The following CEMIP variants were observed in gnomAD, a reference collection of about 807,000 sequenced individuals.
CEMIP encodes cell migration-inducing and hyaluronan-binding protein.
A neutral mutation model predicts 156.9 loss-of-function variants in CEMIP; 105 were observed. The observed-to-expected ratio is 0.67, with a 90% CI of 0.57 to 0.79. The LOEUF (loss-of-function observed/expected upper bound fraction) is 0.79. CEMIP is among the 30% of genes least tolerant of loss of function. The pLI is 0.00. For synonymous variants in CEMIP, 676 were observed against 668.4 expected (o/e 1.01, Z -0.17); for missense variants, 1,457 against 1,769.4 (o/e 0.82, Z 3.17).
At chr15:80,807,904 A>G (rs1322222873) in intron 1 of CEMIP, among the ~76,000 whole-genome samples, 3 of 152,118 alleles carry the variant, frequency 2.0e-5, no homozygotes, top group Admixed American at 1.3e-4. Flanking sequence ...AGCATGTGTC[A>G]GGGAGCACCT....
At chr15:80,785,765 C>T (rs1895919920) in intron 1 of CEMIP, among the ~76,000 whole-genome samples, 1 of 152,186 alleles carries the variant, frequency 6.6e-6, no homozygotes, top group Non-Finnish European at 1.5e-5. Context: ...AAACCCCTTA[C>T]TTCCTGCAAC....
In CEMIP at chr15:80,936,819, G is replaced by T. The variant is rs756172997; in HGVS notation, c.3155G>T (p.Gly1052Val). Residue 1052 changes from glycine (G) to valine (V), a missense_variant, in exon 24 of 30, where the codon GGC (glycine) becomes GTC (valine). Physicochemically the swap from Gly to Val is moderately radical, Grantham distance 109. Coordinates refer to ENST00000394685, the MANE Select transcript of CEMIP (RefSeq NM_001293298.2). ...QYQPVVTLQK[G>V]YTIHWDQTAP... ...CAACCGGTTGTCACCCTGCAGAAGG[G>T]CTACACCATCCACTGGGACCAGACG... is the stretch of plus-strand genomic sequence containing the variant. The T allele has an allele frequency of 6.2e-7, 1 of 1,614,094 alleles. No individual in the cohort carries two copies. Among genetic ancestry groups the T allele is most frequent in the Non-Finnish European group, 8.5e-7 (1 of 1,180,048 alleles).
At chr15:80,938,743 A>G (rs1442658553) in intron 25 of CEMIP, among the ~76,000 whole-genome samples, 1 of 152,216 alleles carries the variant, frequency 6.6e-6, no homozygotes, top group Non-Finnish European at 1.5e-5. Flanking sequence ...TATTCAATAG[A>G]GATATAATGA....
At chr15:80,858,311 G>A (rs1054901918) in intron 1 of CEMIP, among the ~76,000 whole-genome samples, 1 of 152,166 alleles carries the variant, frequency 6.6e-6, no homozygotes, top group Non-Finnish European at 1.5e-5. Context: ...GAAACTGCAT[G>A]TTTTGGGGAC....
rs1449821320 is a variant in CEMIP at position 80,933,180 on chromosome 15, C to T, written c.2794-65C>T. ...GTGGAAATCGGAAACCTCGCCCTGG[C>T]CTGATGACGGCTGCAGTTTCCCTTC... is the stretch of plus-strand genomic sequence containing the variant. On this transcript the variant is annotated intron_variant, in intron 22 of 29. Transcript: ENST00000394685. The T allele has an allele frequency of 5.0e-6, 7 of 1,399,624 alleles. No individual in the cohort carries two copies. The Admixed American group carries it at 1.2e-4, about 24-fold the overall frequency. The allele number at this position is 1,399,624 out of a possible 1,614,324, so 86.7% of individuals were successfully genotyped here.
chr15:80,895,651 TC>T (rs1899193521), intron 11 of CEMIP, among the ~76,000 whole-genome samples: 1 of 152,078 alleles, frequency 6.6e-6, no homozygotes, highest in Admixed American at 6.5e-5. Context: ...AGTGGAAAAT[TC>T]CCCCGCCCAG....
In CEMIP at chr15:80,906,985, C is replaced by G; in HGVS notation, c.1587+147C>G. 1 of 813,520 alleles carries G rather than the reference C, an allele frequency of 1.2e-6. No individual in the cohort carries two copies. The highest frequency in any genetic ancestry group is 2.1e-5 in the Admixed American group (1 of 47,734). The allele number at this position is 813,520 out of a possible 1,614,324, so 50.4% of individuals were successfully genotyped here. ...GGCGCCTTCTGGAAGTTTGAGAAGT[C>G]TTATGTATTATCCATTAGTGTGCAG... On this transcript the variant is annotated intron_variant, in intron 13 of 29. Transcript: ENST00000394685. The surrounding 1 kb of genome is among the most constrained non-coding windows in gnomAD (Gnocchi z 4.3).
intron 23 of CEMIP, among the ~76,000 whole-genome samples, 170 bp downstream of exon 23, chr15:80,933,630 T>C (rs1448295651): frequency 6.6e-6 from 1 of 152,232 alleles, no homozygotes; most frequent in African/African-American, 2.4e-5. Context: ...GTAGGATTTT[T>C]ACAAAGTTAA....
chr15:80,891,107 G>A (rs1899019664), intron 10 of CEMIP, among the ~76,000 whole-genome samples: 1 of 152,186 alleles, frequency 6.6e-6, no homozygotes, highest in Non-Finnish European at 1.5e-5. Context: ...CTTGACCACA[G>A]GAAGTCTAGC....
In CEMIP at chr15:80,845,105, G is replaced by C. The variant is rs899369858; in HGVS notation, c.-175-28433G>C. 3.2e-4 allele frequency among the ~76,000 whole-genome samples: 49 copies of C among 152,080 alleles called. 1 individual carries two copies. The highest frequency in any genetic ancestry group is 2.0e-4 in the Admixed American group (3 of 15,282). ...AATTGTTCTGCATAACCAGTAATTT[G>C]ACAATTATTTATTGGGGGATGAATC... On this transcript the variant is annotated intron_variant, in intron 1 of 29. Transcript: ENST00000394685.
intron 14 of CEMIP, among the ~76,000 whole-genome samples, chr15:80,916,401 G>A (rs921124488): frequency 2.6e-5 from 4 of 152,188 alleles, no homozygotes; most frequent in Non-Finnish European, 5.9e-5. Context: ...TTGCTTTCAC[G>A]ACTGCCGACC....
At chr15:80,888,154 G>A (rs1030775424) in intron 8 of CEMIP, among the ~76,000 whole-genome samples, 1 of 152,040 alleles carries the variant, frequency 6.6e-6, no homozygotes, top group African/African-American at 2.4e-5. Context: ...CTTGAGGTCA[G>A]GAGTTCGAAA....
intron 1 of CEMIP, among the ~76,000 whole-genome samples, chr15:80,803,616 C>T: frequency 6.6e-6 from 1 of 152,140 alleles, no homozygotes; most frequent in East Asian, 1.9e-4. Context: ...CTTTAGACTT[C>T]CCAACAGCTC....
In CEMIP at chr15:80,932,077, G is replaced by T; in HGVS notation, c.2793+38G>T. 1.9e-6 allele frequency: 3 copies of T among 1,606,098 alleles called. No individual in the cohort carries two copies. Among genetic ancestry groups the T allele is most frequent in the South Asian group, 1.1e-5 (1 of 91,000 alleles). ...CCAGGGCAGACTCCCGGCAAACCCA[G>T]ACTTTGGATGGTGATTCACAAGTCC... On this transcript the variant is annotated intron_variant, in intron 22 of 29. Coordinates refer to ENST00000394685, the MANE Select transcript of CEMIP (RefSeq NM_001293298.2). This position sits in a 1 kb window ranked among gnomAD's most constrained non-coding sequence, Gnocchi z 4.5.
chr15:80,865,317 G>A (rs1898095672), intron 1 of CEMIP, among the ~76,000 whole-genome samples: 1 of 152,100 alleles, frequency 6.6e-6, no homozygotes. Flanking sequence ...GGGTAGCTGG[G>A]TCTACGGGCT....
chr15:80,797,905 C>G (rs1449946818), intron 1 of CEMIP, among the ~76,000 whole-genome samples: 4 of 152,174 alleles, frequency 2.6e-5, no homozygotes, highest in Admixed American at 2.6e-4. Flanking sequence ...GGAAATGCTC[C>G]TTCATTAATT....
chr15:80,938,197 T>A (rs914311911), intron 25 of CEMIP: 1 of 539,124 alleles, frequency 1.9e-6, no homozygotes, highest in Non-Finnish European at 3.3e-6. Context: ...TAAATATACA[T>A]GTGAATTGTA....
chr15:80,933,437 AT>A lies in CEMIP; in HGVS notation c.2989del (p.Cys997AlafsTer20). ...CAATGTTCCCGACTGGAGAGGGGCC[AT>A]TTGCAGTGGGTGCTATGCACAGGTG... is the stretch of plus-strand genomic sequence containing the variant. ...CINVPDWRGA[I>X]CSGCYAQMYI... On this transcript the variant is annotated frameshift_variant, in exon 23 of 30. Transcript: ENST00000394685. LOFTEE classifies it high-confidence loss of function. 1 of 1,614,078 alleles carries A rather than the reference AT, an allele frequency of 6.2e-7. No homozygotes were observed.
intron 25 of CEMIP, among the ~76,000 whole-genome samples, chr15:80,939,452 T>C (rs1453079137): frequency 1.3e-5 from 2 of 152,202 alleles, no homozygotes; most frequent in African/African-American, 2.4e-5. Flanking sequence ...GGAAATATTA[T>C]GATTAAAGTA....
Sources: gnomAD v4.1 joint callset for allele counts (sites outside exome capture counted in the v4.1 genomes callset) on GRCh38, gnomAD v4.1.1 for gene constraint, Gnocchi (gnomAD v3.1) non-coding constraint, MANE v1.5 for transcripts, NCBI Gene and HGNC (gene_info 2026-07-23, HGNC 2026-07-21) for gene names.